Variants in FOXP1 observed in about 807,000 individuals in gnomAD.
The protein encoded by FOXP1 is forkhead box P1.
A neutral mutation model predicts 98.2 loss-of-function variants in FOXP1; 15 were observed. That is an observed-to-expected ratio of 0.15 (90% CI 0.10 to 0.24). The LOEUF (loss-of-function observed/expected upper bound fraction) is 0.24. Among genes scored for constraint, FOXP1 ranks in the 10% least tolerant of loss-of-function variants. The pLI, the probability that FOXP1 is intolerant of heterozygous loss-of-function variation, is 1.00. For missense variants in FOXP1, 633 were observed against 848.5 expected (o/e 0.75, Z 3.15); for synonymous variants, 371 against 314.5 (o/e 1.18, Z -1.90).
chr3:71,442,072 A>G (rs2085990273), intron 3 of FOXP1, among the ~76,000 whole-genome samples: 4 of 152,174 alleles, frequency 2.6e-5, no homozygotes. Flanking sequence ...CCCAAGCACT[A>G]AACATCTCAG....
At chr3:71,313,950 C>T (rs1424482775) in intron 4 of FOXP1, among the ~76,000 whole-genome samples, 2 of 152,122 alleles carry the variant, frequency 1.3e-5, no homozygotes, top group African/African-American at 2.4e-5. Context: ...GATTCAAGTG[C>T]CCAAGTTCTT....
At chr3:71,368,124 A>C (rs967726684) in intron 3 of FOXP1, among the ~76,000 whole-genome samples, 5 of 151,836 alleles carry the variant, frequency 3.3e-5, no homozygotes, top group African/African-American at 1.2e-4. Flanking sequence ...TTTTTATTTT[A>C]TTTATTTATT....
At chr3:71,069,700 G>A (rs1415169610) in intron 7 of FOXP1, among the ~76,000 whole-genome samples, 1 of 152,100 alleles carries the variant, frequency 6.6e-6, no homozygotes, top group Non-Finnish European at 1.5e-5. Context: ...CAGTATTTTT[G>A]GCCCACCCAC....
intron 6 of FOXP1, among the ~76,000 whole-genome samples, chr3:71,189,874 C>T (rs923213305): frequency 4.6e-5 from 7 of 152,212 alleles, no homozygotes; most frequent in African/African-American, 1.7e-4. Context: ...CCCCCATTCC[C>T]TGATGGAACC....
intron 6 of FOXP1, among the ~76,000 whole-genome samples, chr3:71,178,154 T>TG (rs774429556): frequency 0.18 from 25,382 of 143,224 alleles, 2,715 homozygotes; most frequent in Middle Eastern, 0.3. Flanking sequence ...TTTTTTTTTT[T>TG]TGAGAGAGTC....
At chr3:71,206,636 A>C (rs1421269951) in intron 5 of FOXP1, among the ~76,000 whole-genome samples, 2 of 152,238 alleles carry the variant, frequency 1.3e-5, no homozygotes. Context: ...GGATTTCTGC[A>C]TTCCAATGCC....
chr3:71,253,235 T>C (rs2068353326), intron 5 of FOXP1, among the ~76,000 whole-genome samples: 3 of 152,320 alleles, frequency 2.0e-5, no homozygotes, highest in South Asian at 2.1e-4. Context: ...GTGTGTTGGA[T>C]AGATGCAGCA....
chr3:70,968,969 T>C (rs190210418), intron 19 of FOXP1: 6 of 152,292 alleles, frequency 3.9e-5, no homozygotes, highest in African/African-American at 1.2e-4. Context: ...GGACGGAAAG[T>C]GTTCTTGGAA....
intron 6 of FOXP1, among the ~76,000 whole-genome samples, chr3:71,116,346 G>C (rs2058374129): frequency 6.6e-6 from 1 of 152,048 alleles, no homozygotes; most frequent in Admixed American, 6.6e-5. Flanking sequence ...ACAAGCACGG[G>C]GGGAAAAGGT....
chr3:71,080,576 T>C (rs774772385), intron 7 of FOXP1, among the ~76,000 whole-genome samples: 12 of 152,358 alleles, frequency 7.9e-5, no homozygotes, highest in South Asian at 2.1e-4. Flanking sequence ...CTATTGAACA[T>C]TGCAATTAAA....
intron 6 of FOXP1, among the ~76,000 whole-genome samples, chr3:71,148,555 T>C (rs1027842290): frequency 6.6e-6 from 1 of 152,196 alleles, no homozygotes; most frequent in South Asian, 2.1e-4. Context: ...GGCCCCTGAA[T>C]GACAGGCAAA....
chr3:71,374,687 A>C (rs2079590463), intron 3 of FOXP1, among the ~76,000 whole-genome samples: 1 of 152,192 alleles, frequency 6.6e-6, no homozygotes, highest in Admixed American at 6.5e-5. Context: ...AAAGGTGAGA[A>C]ATAATTATTG....
chr3:71,188,754 G>A (rs2062800264), intron 6 of FOXP1, among the ~76,000 whole-genome samples: 1 of 152,096 alleles, frequency 6.6e-6, no homozygotes, highest in African/African-American at 2.4e-5. Flanking sequence ...ACTCAGTTGT[G>A]TTTGTGTGGA....
chr3:71,382,772 T>C (rs2080275714), intron 3 of FOXP1, among the ~76,000 whole-genome samples: 1 of 152,220 alleles, frequency 6.6e-6, no homozygotes, highest in Non-Finnish European at 1.5e-5. Flanking sequence ...TACTGGACTT[T>C]CTGTTGAGTA....
chr3:71,179,802 T>C (rs2056467), intron 6 of FOXP1, among the ~76,000 whole-genome samples: 42,674 of 152,196 alleles, frequency 0.28, 7,191 homozygotes, highest in African/African-American at 0.47. Flanking sequence ...GCAAGCGATA[T>C]AGCTTTTTTC....
Position 71,272,042 on chromosome 3 carries a change from T to C in FOXP1, c.-12+27778A>G, listed in dbSNP as rs551109790. ...ATAATCAATTATAAAGCACCTATTA[T>C]ACATTCTAAATCAGGAATCAAAAGA... On this transcript the variant is annotated intron_variant, in intron 5 of 20. Coordinates refer to ENST00000649528, the MANE Select transcript of FOXP1 (RefSeq NM_001349338.3). Among the ~76,000 whole-genome samples the C allele has an allele frequency of 2.6e-5, 4 of 152,324 alleles. No homozygotes were observed. In the South Asian group the frequency reaches 8.3e-4, roughly 32 times the overall value.
At chr3:71,394,293 C>T (rs1018194199) in intron 3 of FOXP1, among the ~76,000 whole-genome samples, 34 of 152,290 alleles carry the variant, frequency 2.2e-4, no homozygotes, top group African/African-American at 8.2e-4. Flanking sequence ...CTTTTTAAGC[C>T]TCCCCTATTT....
intron 6 of FOXP1, among the ~76,000 whole-genome samples, chr3:71,196,806 G>A (rs1175744127): frequency 2.0e-5 from 3 of 152,180 alleles, no homozygotes; most frequent in Non-Finnish European, 4.4e-5. Flanking sequence ...TACACAACAA[G>A]CATCACAAAT....
chr3:71,303,898 T>C (rs2074058431), intron 4 of FOXP1, among the ~76,000 whole-genome samples: 1 of 152,172 alleles, frequency 6.6e-6, no homozygotes, highest in Non-Finnish European at 1.5e-5. Flanking sequence ...AAGAAGCTGC[T>C]GTGCAGCCGG....
Sources: allele counts gnomAD v4.1 joint callset (sites outside exome capture counted in the v4.1 genomes callset), GRCh38; gene constraint gnomAD v4.1.1; transcripts MANE v1.5; gene names NCBI Gene and HGNC (gene_info 2026-07-23, HGNC 2026-07-21).